The following COL26A1 variants were observed in gnomAD, a reference collection of about 807,000 sequenced individuals.
COL26A1 encodes the protein collagen alpha-1(XXVI) chain.
COL26A1 carries 41 observed loss-of-function variants against 59.3 expected under a neutral mutation model. That is an observed-to-expected ratio of 0.69 (90% CI 0.54 to 0.90). The LOEUF is 0.90. Among genes scored for constraint, COL26A1 ranks in the 40% least tolerant of loss-of-function variants. COL26A1 has a pLI of 0.00. For missense variants in COL26A1, 612 were observed against 602.3 expected (o/e 1.02, Z -0.17); for synonymous variants, 266 against 256.0 (o/e 1.04, Z -0.37).
chr7:101,385,250 TAC>T (rs1268606163), intron 1 of COL26A1, among the ~76,000 whole-genome samples: 21 of 147,822 alleles, frequency 1.4e-4, no homozygotes, highest in East Asian at 4.0e-4. Context: ...TATATATATA[TAC>T]ACACACACAC....
intron 1 of COL26A1, among the ~76,000 whole-genome samples, chr7:101,369,648 A>T (rs977004885): frequency 6.6e-6 from 1 of 151,016 alleles, no homozygotes; most frequent in Admixed American, 6.6e-5. Context: ...AGAGTTCTGC[A>T]TCCATTTTTA....
At chr7:101,553,727 G>T (rs1470024170) in intron 11 of COL26A1, among the ~76,000 whole-genome samples, 1 of 152,202 alleles carries the variant, frequency 6.6e-6, no homozygotes, top group Non-Finnish European at 1.5e-5. Flanking sequence ...AACGGACCGG[G>T]TTCTCCCGTG....
chr7:101,551,104 G>A lies in COL26A1; in HGVS notation c.994-4G>A. On this transcript the variant is annotated splice_region_variant and splice_polypyrimidine_tract_variant and intron_variant, in intron 9 of 12. Coordinates refer to ENST00000313669, the MANE Select transcript of COL26A1 (RefSeq NM_001278563.3). ...CCTCACACGCTTCCTTTGGTTTTCT[G>A]CAGGGCCTGGCTGGAGAGCGAGGCA... is the stretch of plus-strand genomic sequence containing the variant. 3.2e-6 allele frequency: 5 copies of A among 1,556,408 alleles called. No individual in the cohort carries two copies. In the South Asian group the frequency reaches 4.7e-5, roughly 15 times the overall value.
At chr7:101,491,780 A>G (rs1794466207) in intron 3 of COL26A1, among the ~76,000 whole-genome samples, 1 of 152,154 alleles carries the variant, frequency 6.6e-6, no homozygotes, top group Admixed American at 6.5e-5. Context: ...AAACTGTTTT[A>G]TCAGCAAGGT....
At chr7:101,428,387 ATATT>A (rs1418042462) in intron 2 of COL26A1, among the ~76,000 whole-genome samples, 4 of 151,770 alleles carry the variant, frequency 2.6e-5, no homozygotes, top group African/African-American at 7.3e-5. Context: ...AAAGAGAATG[ATATT>A]TATTTGAGAA....
intron 3 of COL26A1, among the ~76,000 whole-genome samples, chr7:101,489,585 C>T (rs971800355): frequency 6.6e-6 from 1 of 151,802 alleles, no homozygotes; most frequent in Non-Finnish European, 1.5e-5. Context: ...CCACCACACT[C>T]GGCTATTTTC....
intron 1 of COL26A1, among the ~76,000 whole-genome samples, chr7:101,387,735 ATTATATATATATATATAT>A (rs1218587581): frequency 3.3e-4 from 33 of 99,468 alleles, no homozygotes; most frequent in East Asian, 7.9e-4. Context: ...TTTTAATATA[ATTATATATATATATATAT>A]TTATATATAT....
At chr7:101,489,660 T>C (rs4729720) in intron 3 of COL26A1, among the ~76,000 whole-genome samples, 4,424 of 47,838 alleles carry the variant, frequency 0.092, 508 homozygotes, top group African/African-American at 0.11. Context: ...TTTCTTTCTT[T>C]CTTCCTTCCT....
At chr7:101,386,751 G>A (rs1337558779) in intron 1 of COL26A1, among the ~76,000 whole-genome samples, 1 of 152,194 alleles carries the variant, frequency 6.6e-6, no homozygotes, top group Non-Finnish European at 1.5e-5. Context: ...ATTCTGACCC[G>A]AAGTGAACCA....
chr7:101,510,084 C>T (rs1794892857), intron 3 of COL26A1, among the ~76,000 whole-genome samples: 1 of 147,496 alleles, frequency 6.8e-6, no homozygotes, highest in Admixed American at 6.7e-5. Context: ...TGCAGTGGTG[C>T]AATCATGGCT....
At chr7:101,437,719 C>T (rs1792949782) in intron 2 of COL26A1, among the ~76,000 whole-genome samples, 1 of 151,302 alleles carries the variant, frequency 6.6e-6, no homozygotes, top group East Asian at 1.9e-4. Flanking sequence ...AAACTACAGG[C>T]ACGTGCCACT....
chr7:101,537,350 G>T (rs1296574216), intron 4 of COL26A1, among the ~76,000 whole-genome samples: 1 of 152,206 alleles, frequency 6.6e-6, no homozygotes, highest in Non-Finnish European at 1.5e-5. Context: ...AGTCACAGAA[G>T]CCTCAGAGTC....
chr7:101,550,285 A>G (rs983182090), intron 9 of COL26A1, among the ~76,000 whole-genome samples: 2 of 149,670 alleles, frequency 1.3e-5, no homozygotes, highest in South Asian at 4.3e-4. Flanking sequence ...ACATAGCAAG[A>G]CCCCATCTCT....
At chr7:101,540,285 C>T (rs1036492474) in intron 5 of COL26A1, among the ~76,000 whole-genome samples, 3 of 152,214 alleles carry the variant, frequency 2.0e-5, no homozygotes, top group Non-Finnish European at 4.4e-5. Context: ...TGCCTGTAAT[C>T]CCAACACTTT....
In COL26A1 at chr7:101,508,093, C is replaced by G. The variant is rs974561255; in HGVS notation, c.386-24989C>G. 6.6e-5 allele frequency among the ~76,000 whole-genome samples: 10 copies of G among 152,348 alleles called. No homozygotes were observed. The East Asian group carries it at 1.7e-3, about 26-fold the overall frequency. The stretch of plus-strand genomic sequence containing the variant: ...TGGCCCTCCAGCCTCATGTCTTCCA[C>G]TCCTTGTGCCTGCTCACATCTTCTC... On this transcript the variant is annotated intron_variant, in intron 3 of 12. Transcript: ENST00000313669.
At chr7:101,439,989 C>A (rs1331675062) in intron 2 of COL26A1, among the ~76,000 whole-genome samples, 1 of 152,030 alleles carries the variant, frequency 6.6e-6, no homozygotes, top group East Asian at 1.9e-4. Flanking sequence ...CTGAGTGCGG[C>A]CTTAAGGCTG....
intron 1 of COL26A1, among the ~76,000 whole-genome samples, chr7:101,402,634 C>G (rs1792036970): frequency 1.4e-5 from 1 of 70,908 alleles, no homozygotes; most frequent in African/African-American, 5.0e-5. Flanking sequence ...TCTTTCTCCC[C>G]TCCCCTCCCT....
chr7:101,395,689 CT>C, intron 1 of COL26A1, among the ~76,000 whole-genome samples: 1 of 152,306 alleles, frequency 6.6e-6, no homozygotes, highest in Admixed American at 6.5e-5. Flanking sequence ...GGTCAACCCC[CT>C]GGTGCCTGTC....
At chr7:101,385,881 T>G (rs1158548785) in intron 1 of COL26A1, among the ~76,000 whole-genome samples, 4 of 151,912 alleles carry the variant, frequency 2.6e-5, no homozygotes, top group Non-Finnish European at 4.4e-5. Flanking sequence ...ATTTTTTGTA[T>G]TTTTAGTAGA....
Sources: allele counts gnomAD v4.1 joint callset (sites outside exome capture counted in the v4.1 genomes callset), GRCh38; gene constraint gnomAD v4.1.1; transcripts MANE v1.5; gene names NCBI Gene and HGNC (gene_info 2026-07-23, HGNC 2026-07-21).